Variants in EPHA7 observed in about 807,000 individuals in gnomAD.
EPHA7 encodes EPH receptor A7.
EPHA7 carries 25 observed loss-of-function variants against 112.6 expected under a neutral mutation model. That is an observed-to-expected ratio of 0.22 (90% CI 0.16 to 0.31). The LOEUF (loss-of-function observed/expected upper bound fraction) is 0.31. Among genes scored for constraint, EPHA7 ranks in the 10% least tolerant of loss-of-function variants. The pLI is 1.00. For missense variants in EPHA7, 962 were observed against 1,212.6 expected (o/e 0.79, Z 3.07); for synonymous variants, 437 against 406.5 (o/e 1.07, Z -0.90).
rs71542009 is a variant in EPHA7 at position 93,311,114 on chromosome 6, A to ATTTTTTTTTTTTTTTTTTTT, written c.1325-38712_1325-38693dup. Among the ~76,000 whole-genome samples, 47 of 78,504 alleles carry ATTTTTTTTTTTTTTTTTTTT rather than the reference A, an allele frequency of 6.0e-4. 5 individuals are homozygous for ATTTTTTTTTTTTTTTTTTTT. Among genetic ancestry groups the ATTTTTTTTTTTTTTTTTTTT allele is most frequent in the African/African-American group, 1.4e-3 (23 of 17,020 alleles). The allele number at this position is 78,504 out of a possible 152,430, so 51.5% of individuals were successfully genotyped here. A position where few individuals can be genotyped will look rare whatever the true frequency, so the allele number is the denominator to read the frequency against. ...ACAGGCATGTGCATCATGCCCAGCT[A>ATTTTTTTTTTTTTTTTTTTT]TTTTTTTTTTTTTTTTTTTTTTTTT... On this transcript the variant is annotated intron_variant, in intron 5 of 16. Coordinates refer to ENST00000369303, the MANE Select transcript of EPHA7 (RefSeq NM_004440.4).
At chr6:93,261,033 C>T (rs908670464) in intron 9 of EPHA7, among the ~76,000 whole-genome samples, 3 of 151,514 alleles carry the variant, frequency 2.0e-5, no homozygotes, top group Middle Eastern at 3.2e-3. Context: ...GCATCTCAAA[C>T]GGTCTCTGAT....
intron 5 of EPHA7, among the ~76,000 whole-genome samples, chr6:93,336,068 G>T (rs1317730863): frequency 6.6e-6 from 1 of 152,084 alleles, no homozygotes; most frequent in Non-Finnish European, 1.5e-5. Flanking sequence ...CCTTTTTAAA[G>T]TAGTGTTTAA....
chr6:93,244,786 T>C (rs559203123), intron 16 of EPHA7, among the ~76,000 whole-genome samples: 188 of 152,268 alleles, frequency 1.2e-3, no homozygotes, highest in Admixed American at 3.9e-3. Flanking sequence ...TCAGAAATAA[T>C]CATATTGGAC....
At chr6:93,411,958 C>A (rs1778997404) in intron 2 of EPHA7, among the ~76,000 whole-genome samples, 1 of 151,790 alleles carries the variant, frequency 6.6e-6, no homozygotes, top group Non-Finnish European at 1.5e-5. Flanking sequence ...ATATAATGTA[C>A]ATTACAAACA....
At chr6:93,256,378 A>G (rs971233239) in intron 12 of EPHA7, among the ~76,000 whole-genome samples, 4 of 152,028 alleles carry the variant, frequency 2.6e-5, no homozygotes, top group Non-Finnish European at 5.9e-5. Flanking sequence ...TTTTCCCCAC[A>G]TGCCAAAAAG....
intron 3 of EPHA7, among the ~76,000 whole-genome samples, chr6:93,367,973 T>C (rs1054859815): frequency 2.0e-5 from 3 of 152,086 alleles, no homozygotes; most frequent in African/African-American, 7.2e-5. Context: ...AATTAGTTAT[T>C]AACCAAATAT....
chr6:93,258,377 T>G (rs1377345351), intron 10 of EPHA7, 93 bp from the exon 11 acceptor site: 1 of 1,251,748 alleles, frequency 8.0e-7, no homozygotes. Flanking sequence ...TCTTTAACTT[T>G]TAGTAAATTA....
At chr6:93,304,587 T>C (rs1205289502) in intron 5 of EPHA7, among the ~76,000 whole-genome samples, 1 of 152,030 alleles carries the variant, frequency 6.6e-6, no homozygotes, top group Admixed American at 6.6e-5. Flanking sequence ...AAGAAGTCAG[T>C]CCGGGAAATT....
At chr6:93,281,231 T>C (rs1323178130) in intron 5 of EPHA7, among the ~76,000 whole-genome samples, 2 of 152,116 alleles carry the variant, frequency 1.3e-5, no homozygotes, top group African/African-American at 4.8e-5. Context: ...ACTACCAAAA[T>C]GAGACGAAGA....
intron 13 of EPHA7, 110 bp downstream of exon 13, chr6:93,255,713 ATGCTT>A: frequency 2.2e-6 from 2 of 903,824 alleles, no homozygotes; most frequent in African/African-American, 1.7e-5. Context: ...CAACCTCAAA[ATGCTT>A]AGCTCAATTT....
chr6:93,241,143 G>A lies in EPHA7; in HGVS notation c.*2283C>T, dbSNP rs1372302459. On this transcript the variant is annotated 3_prime_UTR_variant, in exon 17 of 17. Coordinates refer to ENST00000369303, the MANE Select transcript of EPHA7 (RefSeq NM_004440.4). ...TCTAGTGCTAGAAAAAAGCAGGAAAGACACCGTTTGCATGTACCATACTAT... is the reference window on the plus strand; with the variant it reads ...TCTAGTGCTAGAAAAAAGCAGGAAAAACACCGTTTGCATGTACCATACTAT... 1 of 206,356 alleles carries A rather than the reference G, an allele frequency of 4.8e-6. No homozygotes were observed. The highest frequency in any genetic ancestry group is 9.9e-6 in the Non-Finnish European group (1 of 101,034). 12.8% of individuals were successfully genotyped at this position (206,356 alleles called of 1,614,324 possible).
At chr6:93,243,968 C>A (rs1769797617) in intron 16 of EPHA7, among the ~76,000 whole-genome samples, 4 of 151,976 alleles carry the variant, frequency 2.6e-5, no homozygotes, top group South Asian at 4.2e-4. Context: ...AATTGGAACT[C>A]ATCAATGACC....
chr6:93,265,176 G>A (rs981127657), intron 7 of EPHA7, among the ~76,000 whole-genome samples: 1 of 151,466 alleles, frequency 6.6e-6, no homozygotes, highest in Non-Finnish European at 1.5e-5. Flanking sequence ...AATTAAAATG[G>A]AAAGCATCAT....
chr6:93,272,546 T>A (rs981282563), intron 5 of EPHA7, 124 bp from the exon 6 acceptor site: 4 of 1,087,500 alleles, frequency 3.7e-6, no homozygotes, highest in Non-Finnish European at 5.3e-6. Flanking sequence ...CACCTTTTCA[T>A]AGCTCACAAT....
chr6:93,307,165 T>C lies in EPHA7; in HGVS notation c.1325-34743A>G, dbSNP rs550302402. The stretch of plus-strand genomic sequence containing the variant: ...AATATTTAAATAATGATACCAATTA[T>C]TGCATCAACCAAATGTTAGATATTC... On this transcript the variant is annotated intron_variant, in intron 5 of 16. Coordinates refer to ENST00000369303, the MANE Select transcript of EPHA7 (RefSeq NM_004440.4). 1.1e-4 allele frequency among the ~76,000 whole-genome samples: 16 copies of C among 152,094 alleles called. No homozygotes were observed. In the South Asian group the frequency reaches 2.9e-3, roughly 28 times the overall value.
In EPHA7 at chr6:93,272,433, A is replaced by G. The variant is rs1290674590; in HGVS notation, c.1325-11T>C. ...TCACTTGCGAGGGAGCTGTTTGGAC[A>G]AGATGTGTCAATAAACAATGAGAAA... On this transcript the variant is annotated splice_polypyrimidine_tract_variant and intron_variant, in intron 5 of 16. Coordinates refer to ENST00000369303, the MANE Select transcript of EPHA7 (RefSeq NM_004440.4). 8 of 1,611,160 alleles carry G rather than the reference A, an allele frequency of 5.0e-6. No homozygotes were observed. The highest frequency in any genetic ancestry group is 5.9e-6 in the Non-Finnish European group (7 of 1,178,020).
intron 5 of EPHA7, among the ~76,000 whole-genome samples, chr6:93,348,219 T>C (rs1439531692): frequency 2.6e-5 from 4 of 151,762 alleles, no homozygotes; most frequent in African/African-American, 7.3e-5. Context: ...ACAGGTTACT[T>C]AGAGGTATTT....
chr6:93,290,675 T>C (rs951615718), intron 5 of EPHA7, among the ~76,000 whole-genome samples: 1 of 152,166 alleles, frequency 6.6e-6, no homozygotes. Flanking sequence ...AACCATTAGA[T>C]TATATACAAA....
intron 5 of EPHA7, among the ~76,000 whole-genome samples, chr6:93,299,033 G>GA (rs1412661184): frequency 5.3e-5 from 8 of 152,006 alleles, no homozygotes; most frequent in Admixed American, 1.3e-4. Context: ...ACAAGCTTAT[G>GA]AAAAAAAGCT....
Sources: allele counts gnomAD v4.1 joint callset (sites outside exome capture counted in the v4.1 genomes callset), GRCh38; gene constraint gnomAD v4.1.1; transcripts MANE v1.5; gene names NCBI Gene and HGNC (gene_info 2026-07-23, HGNC 2026-07-21).